Variants in SMARCE1 observed in about 807,000 individuals in gnomAD.
SMARCE1 encodes SWI/SNF related BAF chromatin remodeling complex subunit E1.
Under a neutral mutation model 54.9 loss-of-function variants are expected in SMARCE1, and 13 were observed. That is an observed-to-expected ratio of 0.24 (90% confidence interval 0.15 to 0.38). The LOEUF is 0.38. Ranked by LOEUF, SMARCE1 falls within the 10% of genes least tolerant of loss-of-function variation. The pLI is 1.00. For synonymous variants in SMARCE1, 151 were observed against 175.3 expected (o/e 0.86, Z 1.10); for missense variants, 295 against 523.8 (o/e 0.56, Z 4.26).
chr17:40,643,293 C>T (rs2037217377), intron 3 of SMARCE1: 1 of 152,214 alleles, frequency 6.6e-6, no homozygotes, highest in South Asian at 2.1e-4. Context: ...TTTGATCCAT[C>T]TTCCACTGGT....
intron 3 of SMARCE1, chr17:40,643,032 A>G (rs1463407725): frequency 6.6e-6 from 1 of 152,658 alleles, no homozygotes; most frequent in African/African-American, 2.4e-5. Context: ...TATCTACTAA[A>G]AACAAAAAAA....
chr17:40,636,907 A>G (rs2037151098), intron 5 of SMARCE1: 1 of 165,128 alleles, frequency 6.1e-6, no homozygotes, highest in Non-Finnish European at 1.3e-5. Flanking sequence ...CATATTATCA[A>G]ATACAAATAT....
At position 40,630,803 on chromosome 17, in the gene SMARCE1, C is replaced by A. The variant is rs201577008; in HGVS notation, c.938G>T (p.Arg313Leu). Residue 313 changes from arginine to leucine, a missense_variant, in exon 10 of 11, where the codon CGC becomes CTC. By Grantham distance (102) the Arg-to-Leu change is moderately radical (BLOSUM62 -2). Around this residue, in one of 5 missense-constraint regions of SMARCE1, gnomAD observed 147 missense variants for 161.4 expected, o/e 0.91. Transcript: ENST00000348513. ...CTCAGGAACGATGCTGCTCTGACTG[C>A]GCTCAGCTTGCTCTGCGGCCTCCTT... is the stretch of plus-strand genomic sequence containing the variant. ...REKEAAEQAE[R>L]SQSSIVPEEE... is the part of the protein sequence containing the mutation. 1.2e-6 allele frequency: 2 copies of A among 1,614,076 alleles called. No homozygotes were observed. The highest frequency in any genetic ancestry group is 1.7e-5 in the Admixed American group (1 of 60,012).
Position 40,628,129 on chromosome 17 carries a change from A to AT in SMARCE1, c.*655dup, listed in dbSNP as rs1450552059. Reference sequence around the variant, plus strand: ...TACCAGAACATACCCAGTATTAATCATAACAAAAAGCAGTATAGATAATGT... The same window carrying AT: ...TACCAGAACATACCCAGTATTAATCATTAACAAAAAGCAGTATAGATAATGT... On this transcript the variant is annotated 3_prime_UTR_variant, in exon 11 of 11. Coordinates refer to ENST00000348513, the MANE Select transcript of SMARCE1 (RefSeq NM_003079.5). 6.6e-6 allele frequency: 1 copy of AT among 152,650 alleles called. No homozygotes were observed. Among genetic ancestry groups the AT allele is most frequent in the African/African-American group, 2.4e-5 (1 of 41,452 alleles). The allele number at this position is 152,650 out of a possible 1,614,324, so 9.5% of individuals were successfully genotyped here. A position where few individuals can be genotyped will look rare whatever the true frequency, so the allele number is the denominator to read the frequency against.
At position 40,645,598 on chromosome 17, in the gene SMARCE1, G is replaced by T; in HGVS notation, c.29C>A (p.Pro10His). Residue 10 changes from proline to histidine, a missense_variant, in exon 3 of 11, where the codon CCT becomes CAT. Transcript: ENST00000348513. MSKRPSYAP[P>H]PTPAPATQMP... ...TACTGTTGCAGGAGCTGGGGTGGGA[G>T]GTGGGGCATAAGATGGTCTTTCTGT... The T allele has an allele frequency of 6.4e-7, 1 of 1,568,842 alleles. No homozygotes were observed. Among genetic ancestry groups the T allele is most frequent in the Non-Finnish European group, 8.6e-7 (1 of 1,165,158 alleles).
intron 3 of SMARCE1, chr17:40,645,300 A>G (rs185619068): frequency 2.7e-4 from 110 of 412,036 alleles, no homozygotes; most frequent in African/African-American, 2.0e-3. Context: ...AAGAAATGGT[A>G]AAACTTTCAC....
At chr17:40,633,330 C>G (rs1458114169) in intron 7 of SMARCE1, 1 of 152,086 alleles carries the variant, frequency 6.6e-6, no homozygotes, top group African/African-American at 2.4e-5. Flanking sequence ...TTTTTAATAG[C>G]TATCTAGTGT....
chr17:40,631,682 T>C lies in SMARCE1; in HGVS notation c.726A>G (p.Glu242=). The C allele has an allele frequency of 6.2e-7, 1 of 1,604,168 alleles. No homozygotes were observed. The highest frequency in any genetic ancestry group is 8.5e-7 in the Non-Finnish European group (1 of 1,171,364). ...QSLMVHQRKL[E]AELLQIEERH... is the part of the protein sequence containing the mutation. ...GTTCCTCTATTTGAAGAAGTTCAGC[T>C]TCTAGTTTTCGCTGCAAGACAGGAT... Residue 242 remains glutamate, a synonymous_variant, in exon 9 of 11, where the codon GAA becomes GAG. Transcript: ENST00000348513.
chr17:40,639,219 G>A (rs943152780), intron 4 of SMARCE1, among the ~76,000 whole-genome samples: 8 of 152,168 alleles, frequency 5.3e-5, no homozygotes, highest in African/African-American at 1.9e-4. Flanking sequence ...GTTCTTTCAA[G>A]GGGAAAGAGA....
intron 10 of SMARCE1, chr17:40,629,988 G>A: frequency 1.3e-5 from 5 of 394,984 alleles, no homozygotes; most frequent in South Asian, 9.8e-5. Context: ...TGAGTACCAA[G>A]TATGACTACT....
rs1468494318 is a variant in SMARCE1, at chr17:40,625,063, A to G, written c.*3722T>C. The G allele has an allele frequency of 6.6e-6, 1 of 152,260 alleles. No individual in the cohort carries two copies. The highest frequency in any genetic ancestry group is 1.5e-5 in the Non-Finnish European group (1 of 68,040). The allele number at this position is 152,260 out of a possible 1,614,324, so 9.4% of individuals were successfully genotyped here. ...GGCAAATAGAAAGTTCCATCATTTC[A>G]CACTTAGAAAGCTGCCACGAAGAGC... On this transcript the variant is annotated 3_prime_UTR_variant, in exon 11 of 11. Transcript: ENST00000348513.
rs183914091 is a variant in SMARCE1, at chr17:40,637,379, C to T, written c.237+113G>A. ...GCTTTAAAAACCGTATTTTTTTGGACCTTTCCTCTGAATATGCACAGAAAA... is the reference window on the plus strand; with the variant it reads ...GCTTTAAAAACCGTATTTTTTTGGATCTTTCCTCTGAATATGCACAGAAAA... On this transcript the variant is annotated intron_variant, in intron 5 of 10. Coordinates refer to ENST00000348513, the MANE Select transcript of SMARCE1 (RefSeq NM_003079.5). The T allele has an allele frequency of 1.4e-3, 1,228 of 865,706 alleles. 3 individuals are homozygous for T. Among genetic ancestry groups the T allele is most frequent in the Non-Finnish European group, 2.1e-3 (1,073 of 509,410 alleles). 53.6% of individuals were successfully genotyped at this position (865,706 alleles called of 1,614,324 possible).
At position 40,642,671 on chromosome 17, in the gene SMARCE1, C is replaced by T. The variant is rs2037210833; in HGVS notation, c.52-112G>A. ...CATGCAAAAGCAACCTGAATTTAAACAAGCAATGATGTGTTGTAATTGTTC... is the reference window on the plus strand; with the variant it reads ...CATGCAAAAGCAACCTGAATTTAAATAAGCAATGATGTGTTGTAATTGTTC... On this transcript the variant is annotated intron_variant, in intron 3 of 10. Coordinates refer to ENST00000348513, the MANE Select transcript of SMARCE1 (RefSeq NM_003079.5). This position sits in a 1 kb window ranked among gnomAD's most constrained non-coding sequence, Gnocchi z 4.6. 8.9e-6 allele frequency: 6 copies of T among 671,382 alleles called. No homozygotes were observed. In the East Asian group the frequency reaches 1.5e-4, roughly 17 times the overall value. 41.6% of individuals were successfully genotyped at this position (671,382 alleles called of 1,614,324 possible). A position where few individuals can be genotyped will look rare whatever the true frequency, so the allele number is the denominator to read the frequency against.
Position 40,625,484 on chromosome 17 carries a change from A to C in SMARCE1, c.*3301T>G, listed in dbSNP as rs2037025860. 2.0e-5 allele frequency: 3 copies of C among 152,252 alleles called. No homozygotes were observed. Among genetic ancestry groups the C allele is most frequent in the African/African-American group, 7.2e-5 (3 of 41,474 alleles). The allele number at this position is 152,252 out of a possible 1,614,324, so 9.4% of individuals were successfully genotyped here. A position where few individuals can be genotyped will look rare whatever the true frequency, so the allele number is the denominator to read the frequency against. On this transcript the variant is annotated 3_prime_UTR_variant, in exon 11 of 11. Coordinates refer to ENST00000348513, the MANE Select transcript of SMARCE1 (RefSeq NM_003079.5). ...TAAAACTAATGCACTAGCTGAAACC[A>C]GGTGGGGAGACCATGTGTGGTAGTG... is the stretch of plus-strand genomic sequence containing the variant.
intron 10 of SMARCE1, 181 bp from the exon 11 acceptor site, chr17:40,629,174 A>G: frequency 1.8e-6 from 1 of 571,032 alleles, no homozygotes; most frequent in Non-Finnish European, 3.1e-6. Context: ...GGGTATGAAA[A>G]TCTACTTTTT....
rs890133471 is a variant in SMARCE1 at position 40,645,866 on chromosome 17, GAAAA to G, written c.-45-23_-45-20del. ...TGAGACACTAAAATAAAAAAAAAAG[GAAAA>G]AAAAAAGAGAATCAAAACTCAGCAA... On this transcript the variant is annotated intron_variant, in intron 1 of 10. Transcript: ENST00000348513. 61 of 667,682 alleles carry G rather than the reference GAAAA, an allele frequency of 9.1e-5. No homozygotes were observed. The highest frequency in any genetic ancestry group is 1.3e-4 in the Non-Finnish European group (58 of 459,170). The allele number at this position is 667,682 out of a possible 1,614,324, so 41.4% of individuals were successfully genotyped here.
At position 40,630,451 on chromosome 17, in the gene SMARCE1, G is replaced by A. The variant is rs780943146; in HGVS notation, c.1027+263C>T. ...ATTTACAAAAACAAGTGGTGGGCAG[G>A]ATTGGCTTACAGGTATTACTTTGCA... On this transcript the variant is annotated intron_variant, in intron 10 of 10. Coordinates refer to ENST00000348513, the MANE Select transcript of SMARCE1 (RefSeq NM_003079.5). 4.7e-6 allele frequency: 3 copies of A among 633,106 alleles called. No individual in the cohort carries two copies. In the African/African-American group the frequency reaches 5.5e-5, roughly 12 times the overall value. The allele number at this position is 633,106 out of a possible 1,614,324, so 39.2% of individuals were successfully genotyped here.
chr17:40,629,292 C>T, intron 10 of SMARCE1: 2 of 401,550 alleles, frequency 5.0e-6, no homozygotes, highest in Non-Finnish European at 8.7e-6. Flanking sequence ...AAAAGGAAAG[C>T]TGATTTTAAA....
intron 7 of SMARCE1, chr17:40,633,651 CT>C (rs1437440989): frequency 6.4e-4 from 95 of 147,894 alleles, no homozygotes; most frequent in African/African-American, 2.2e-3. Flanking sequence ...TAAGTAGTTC[CT>C]AAAATTCTCA....
Sources: allele counts gnomAD v4.1 joint callset (sites outside exome capture counted in the v4.1 genomes callset), GRCh38; gene constraint gnomAD v4.1.1; regional missense constraint gnomAD v4.1.1; non-coding constraint Gnocchi (gnomAD v3.1); transcripts MANE v1.5; gene names NCBI Gene and HGNC (gene_info 2026-07-23, HGNC 2026-07-21).